HGD: variants seen among roughly 807,000 people sequenced by gnomAD.
HGD encodes homogentisate oxidase.
HGD carries 61 observed loss-of-function variants against 60.8 expected under a neutral mutation model. That is an observed-to-expected ratio of 1.00 (90% confidence interval 0.82 to 1.24). The LOEUF (loss-of-function observed/expected upper bound fraction) is 1.24. Ranked by LOEUF, HGD falls within the 50% of genes most tolerant of loss-of-function variation. HGD has a pLI of 0.00. For missense variants in HGD, 542 were observed against 547.1 expected (o/e 0.99, Z 0.09); for synonymous variants, 212 against 187.7 (o/e 1.13, Z -1.06).
At chr3:120,637,122 C>A (rs779779573) in intron 12 of HGD, among the ~76,000 whole-genome samples, 7 of 152,128 alleles carry the variant, frequency 4.6e-5, no homozygotes, top group Non-Finnish European at 1.0e-4. Context: ...GATGCATTCA[C>A]TTATTAAATA....
intron 4 of HGD, among the ~76,000 whole-genome samples, chr3:120,657,862 A>G (rs1469852341): frequency 6.6e-6 from 1 of 152,076 alleles, no homozygotes; most frequent in Non-Finnish European, 1.5e-5. Flanking sequence ...AGAAAGAGAG[A>G]GAGAGAGGTG....
Position 120,644,348 on chromosome 3 carries a change from A to G in HGD, c.745T>C (p.Tyr249His). 6.2e-7 allele frequency: 1 copy of G among 1,614,118 alleles called. No individual in the cohort carries two copies. Among genetic ancestry groups the G allele is most frequent in the South Asian group, 1.1e-5 (1 of 91,082 alleles). The change falls in exon 10 of 14, where the codon TAC becomes CAC. Residue 249 changes from tyrosine (Y) to histidine (H), a missense_variant. This residue lies in a region of HGD where 537 missense variants were observed against 529.1 expected (regional missense o/e 1.01). Coordinates refer to ENST00000283871, the MANE Select transcript of HGD (RefSeq NM_000187.4). ...VPGGYTVINK[Y>H]QGKLFAAKQD... is the part of the protein sequence containing the mutation. ...TTGGCAGCAAACAGCTTGCCCTGGT[A>G]TTTATTAATGACCGTGTAACCACCT...
intron 4 of HGD, among the ~76,000 whole-genome samples, chr3:120,666,302 C>T (rs1175593421): frequency 2.0e-5 from 3 of 151,898 alleles, no homozygotes; most frequent in Admixed American, 6.6e-5. Context: ...TGGTGGCTAC[C>T]ATATAGAAAG....
chr3:120,676,128 G>A (rs1487233128), intron 1 of HGD, among the ~76,000 whole-genome samples: 1 of 152,078 alleles, frequency 6.6e-6, no homozygotes. Flanking sequence ...TAGCTGATTT[G>A]TGGGTCTACA....
chr3:120,673,508 A>G (rs1314475796), intron 3 of HGD, among the ~76,000 whole-genome samples: 3 of 82,298 alleles, frequency 3.6e-5, no homozygotes, highest in African/African-American at 2.4e-4. Context: ...TTGGGCTTAC[A>G]GAGAGAGAGA....
rs1035694539 is a variant in HGD at position 120,628,550 on chromosome 3, G to T, written c.1189-21C>A. 3.7e-6 allele frequency: 6 copies of T among 1,613,146 alleles called. No homozygotes were observed. In the African/African-American group the frequency reaches 6.7e-5, roughly 18 times the overall value. ...AATGCCTGGAGGAAGTGACGATGGG[G>T]ATGAGAAAAAAGAGGTGAGATAGAT... On this transcript the variant is annotated intron_variant, in intron 13 of 13. Coordinates refer to ENST00000283871, the MANE Select transcript of HGD (RefSeq NM_000187.4).
chr3:120,635,337 C>T (rs1230883325), intron 12 of HGD, among the ~76,000 whole-genome samples: 2 of 151,878 alleles, frequency 1.3e-5, no homozygotes, highest in Admixed American at 1.3e-4. Context: ...ATTAGCCGGG[C>T]GTGGTAGCGG....
chr3:120,673,600 C>G (rs558527206), intron 3 of HGD, among the ~76,000 whole-genome samples: 1 of 152,186 alleles, frequency 6.6e-6, no homozygotes, highest in Non-Finnish European at 1.5e-5. Context: ...CCTCTTCCCA[C>G]GCATATATCT....
At chr3:120,637,539 T>A (rs928224848) in intron 12 of HGD, among the ~76,000 whole-genome samples, 3 of 152,168 alleles carry the variant, frequency 2.0e-5, no homozygotes, top group Non-Finnish European at 4.4e-5. Context: ...TAGAGTTCAT[T>A]CCTTAATGCA....
chr3:120,675,695 A>T, intron 2 of HGD, 97 bp downstream of exon 2: 1 of 888,140 alleles, frequency 1.1e-6, no homozygotes, highest in South Asian at 1.3e-5. Flanking sequence ...CACAGGCTAG[A>T]TTGGAAGAGC....
intron 1 of HGD, 90 bp downstream of exon 1, chr3:120,682,007 C>A: frequency 7.9e-7 from 1 of 1,266,142 alleles, no homozygotes; most frequent in South Asian, 1.2e-5. Context: ...CTCTCTAAGT[C>A]TTTTCCAACT....
At position 120,641,662 on chromosome 3, in the gene HGD, TGCCAG is replaced by T; in HGVS notation, c.801_805del (p.Trp268ArgfsTer22). 2.5e-6 allele frequency: 4 copies of T among 1,613,900 alleles called. No individual in the cohort carries two copies. Among genetic ancestry groups the T allele is most frequent in the Non-Finnish European group, 3.4e-6 (4 of 1,179,788 alleles). On this transcript the variant is annotated frameshift_variant, in exon 11 of 14. Coordinates refer to ENST00000283871, the MANE Select transcript of HGD (RefSeq NM_000187.4). LOFTEE classifies it high-confidence loss of function. ...GTACTTGTAGGGTGTATAATTCCCG[TGCCAG>T]GCCACAACATTGAACGGGGAGACAT...
intron 1 of HGD, among the ~76,000 whole-genome samples, chr3:120,680,683 C>T (rs1367727217): frequency 6.6e-6 from 1 of 152,210 alleles, no homozygotes. Flanking sequence ...CCTGCCCACT[C>T]CCCTGAAATC....
intron 12 of HGD, among the ~76,000 whole-genome samples, chr3:120,634,466 T>C (rs1038087813): frequency 1.3e-5 from 2 of 152,190 alleles, no homozygotes; most frequent in Non-Finnish European, 2.9e-5. Flanking sequence ...ATCTGTCTTT[T>C]TCCCACTTCA....
At chr3:120,646,803 C>G (rs1279846669) in intron 8 of HGD, among the ~76,000 whole-genome samples, 170 bp downstream of exon 8, 1 of 152,176 alleles carries the variant, frequency 6.6e-6, no homozygotes, top group East Asian at 1.9e-4. Flanking sequence ...AAAGCAGGCA[C>G]CCAAGCTTGC....
chr3:120,668,363 C>G (rs1261191592), intron 4 of HGD, among the ~76,000 whole-genome samples: 3 of 152,030 alleles, frequency 2.0e-5, no homozygotes, highest in Non-Finnish European at 4.4e-5. Context: ...AGAGAGAGAA[C>G]TGGGCAGGAA....
rs139966910 is a variant in HGD, at chr3:120,678,526, G to A, written c.16-2663C>T. On this transcript the variant is annotated intron_variant, in intron 1 of 13. Transcript: ENST00000283871. ...CTTAGAAGAGGGTTCAGGGTTATGT[G>A]TTTGGAACACGAGTTAGTATAAATG... 4.9e-3 allele frequency among the ~76,000 whole-genome samples: 753 copies of A among 152,328 alleles called. 3 individuals carry two copies. The highest frequency in any genetic ancestry group is 0.016 in the African/African-American group (683 of 41,572).
intron 4 of HGD, among the ~76,000 whole-genome samples, chr3:120,668,601 G>T (rs942268675): frequency 1.9e-4 from 29 of 151,876 alleles, no homozygotes; most frequent in Non-Finnish European, 1.5e-5. Context: ...AATATAAAAT[G>T]AAGAAATAAA....
chr3:120,669,180 C>T (rs574712546), intron 4 of HGD, among the ~76,000 whole-genome samples: 4 of 152,194 alleles, frequency 2.6e-5, no homozygotes, highest in African/African-American at 9.6e-5. Flanking sequence ...AAGACTCTCA[C>T]CCCTATGCCA....
Sources: allele counts gnomAD v4.1 joint callset (sites outside exome capture counted in the v4.1 genomes callset), GRCh38; gene constraint gnomAD v4.1.1; regional missense constraint gnomAD v4.1.1; transcripts MANE v1.5; gene names NCBI Gene and HGNC (gene_info 2026-07-23, HGNC 2026-07-21).